The following COL4A6 variants were observed in gnomAD, a reference collection of about 807,000 sequenced individuals.
The protein encoded by COL4A6 is collagen type IV alpha 6 chain, also known as collagen alpha-6(IV) chain.
COL4A6 carries 59 observed loss-of-function variants against 126.7 expected under a neutral mutation model. The ratio of observed to expected loss-of-function variants is 0.47; its 90% CI spans 0.38 to 0.58. The LOEUF is 0.58. COL4A6 is among the 20% of genes least tolerant of loss of function. The probability of loss-of-function intolerance (pLI) is 0.00; values close to 1 mark genes in which losing one functional copy is unlikely to be tolerated. For missense variants in COL4A6, 1,285 were observed against 1,337.3 expected, an observed-to-expected ratio of 0.96 and a Z score of 0.61; for synonymous variants, 547 against 496.6, an observed-to-expected ratio of 1.10 and a Z score of -1.35.
Position 108,188,620 on chromosome X carries a change from TC to T in COL4A6, c.1483del (p.Glu495AsnfsTer11). The T allele has an allele frequency of 8.4e-7, 1 of 1,196,620 alleles. No individual in the cohort carries two copies. The highest frequency in any genetic ancestry group is 1.1e-6 in the Non-Finnish European group (1 of 888,075). On this transcript the variant is annotated frameshift_variant, in exon 21 of 45. Transcript: ENST00000334504. LOFTEE classifies it high-confidence loss of function. ...ACCCCATGGACCAGGTGGGCCTGGT[TC>T]CCCGGGTGGTCCAGTGTTGGGAACA... is the stretch of plus-strand genomic sequence containing the variant. ...GGVPNTGPPG[E>X]PGPPGPWGLI...
At chrX:108,313,668 C>G (rs1377462857) in intron 2 of COL4A6, among the ~76,000 whole-genome samples, 1 of 110,047 alleles carries the variant, frequency 9.1e-6, no homozygotes, top group African/African-American at 3.3e-5. Context: ...ACATATTATG[C>G]CCTAACTGTA....
Position 108,202,951 on chromosome X carries a change from T to C in COL4A6, c.811A>G (p.Ile271Val), listed in dbSNP as rs1484715698. 1.7e-6 allele frequency: 2 copies of C among 1,208,846 alleles called. No individual in the cohort carries two copies. The highest frequency in any genetic ancestry group is 1.8e-5 in the African/African-American group (1 of 57,020). ...ACCGGGAAGCCTGGAGGGCCACTTATGCCTGGAAAACCCTTAGGCCCTGGT... is the reference window on the plus strand; with the variant it reads ...ACCGGGAAGCCTGGAGGGCCACTTACGCCTGGAAAACCCTTAGGCCCTGGT... ...GEPGPKGFPG[I>V]SGPPGFPGLG... Residue 271 changes from isoleucine (I) to valine (V), a missense_variant, in exon 13 of 45, where the codon ATA (isoleucine) becomes GTA (valine). By Grantham distance (29) the Ile-to-Val change is conservative. Coordinates refer to ENST00000334504, the MANE Select transcript of COL4A6 (RefSeq NM_033641.4).
At chrX:108,194,873 TG>T (rs1369983046) in intron 15 of COL4A6, among the ~76,000 whole-genome samples, 1 of 111,609 alleles carries the variant, frequency 9.0e-6, no homozygotes, top group Non-Finnish European at 1.9e-5. Flanking sequence ...GACCACAGCA[TG>T]GCATGGCAAG....
At chrX:108,269,234 G>A in intron 3 of COL4A6, 23 of 320,524 alleles carry the variant, frequency 7.2e-5, no homozygotes, top group South Asian at 6.5e-4. Flanking sequence ...CTGCACTCAT[G>A]AGGACATTTG....
intron 2 of COL4A6, among the ~76,000 whole-genome samples, chrX:108,360,826 G>T (rs1349828842): frequency 9.0e-6 from 1 of 111,224 alleles, no homozygotes; most frequent in East Asian, 2.8e-4. Flanking sequence ...GTGAGCTACC[G>T]CACCCGGCCA....
intron 23 of COL4A6, among the ~76,000 whole-genome samples, chrX:108,186,156 G>A (rs2034852406): frequency 8.9e-6 from 1 of 111,741 alleles, no homozygotes; most frequent in Non-Finnish European, 1.9e-5. Context: ...TTTGAACTAG[G>A]GGAGTTACAT....
At chrX:108,174,399 G>A in intron 31 of COL4A6, 41 bp downstream of exon 31, 1 of 1,181,414 alleles carries the variant, frequency 8.5e-7, no homozygotes, top group Non-Finnish European at 1.1e-6. Flanking sequence ...TGAGATGGGG[G>A]GCCTTTTCTG....
At chrX:108,200,947 C>T (rs1358525097) in intron 13 of COL4A6, among the ~76,000 whole-genome samples, 1 of 112,007 alleles carries the variant, frequency 8.9e-6, no homozygotes, top group Non-Finnish European at 1.9e-5. Flanking sequence ...AAGAGAGGTT[C>T]AGTGACTTGC....
rs2035010593 is a variant in COL4A6 at position 108,190,641 on chromosome X, G to A, written c.1322-145C>T. The A allele has an allele frequency of 8.5e-5, 33 of 390,233 alleles. 1 individual carries two copies. In the South Asian group the frequency reaches 1.6e-3, roughly 18 times the overall value. The allele number at this position is 390,233 out of a possible 1,213,427, so 32.2% of individuals were successfully genotyped here. ...ACAAAAAAATAAAATTCAAGACCGGGACCCCAAATCTGCAGCAAGGAGTCA... is the reference window on the plus strand; with the variant it reads ...ACAAAAAAATAAAATTCAAGACCGGAACCCCAAATCTGCAGCAAGGAGTCA... On this transcript the variant is annotated intron_variant, in intron 19 of 44. Coordinates refer to ENST00000334504, the MANE Select transcript of COL4A6 (RefSeq NM_033641.4).
chrX:108,338,346 G>A (rs1413994116), intron 2 of COL4A6, among the ~76,000 whole-genome samples: 3 of 112,076 alleles, frequency 2.7e-5, no homozygotes, highest in Non-Finnish European at 5.7e-5. Flanking sequence ...AGGGATTTGA[G>A]GTTGAAAGAG....
At chrX:108,299,663 T>C (rs764796468) in intron 3 of COL4A6, among the ~76,000 whole-genome samples, 2 of 112,430 alleles carry the variant, frequency 1.8e-5, no homozygotes, top group Non-Finnish European at 3.8e-5. Flanking sequence ...CCACAATTTC[T>C]TTGATAACCA....
intron 5 of COL4A6, among the ~76,000 whole-genome samples, chrX:108,216,662 C>T (rs1053017609): frequency 3.6e-5 from 4 of 112,516 alleles, no homozygotes; most frequent in South Asian, 7.4e-4. Context: ...CCTCCAAGAG[C>T]GTATAGCTCT....
At chrX:108,315,357 A>G (rs917259313) in intron 2 of COL4A6, among the ~76,000 whole-genome samples, 21 of 110,989 alleles carry the variant, frequency 1.9e-4, no homozygotes, top group Non-Finnish European at 3.4e-4. Flanking sequence ...TCTCTGCCTC[A>G]GCTTCCTGAG....
intron 2 of COL4A6, among the ~76,000 whole-genome samples, chrX:108,358,700 T>C (rs2040012565): frequency 2.7e-5 from 3 of 112,311 alleles, no homozygotes; most frequent in Admixed American, 1.9e-4. Flanking sequence ...TGGCTGATAA[T>C]GACTTTTAAA....
At chrX:108,361,034 T>G (rs961469869) in intron 2 of COL4A6, among the ~76,000 whole-genome samples, 1 of 111,430 alleles carries the variant, frequency 9.0e-6, no homozygotes, top group Admixed American at 9.6e-5. Context: ...GCTATCATGA[T>G]GATAGTCTAC....
chrX:108,380,247 C>A (rs768961424), intron 2 of COL4A6, among the ~76,000 whole-genome samples: 1 of 112,388 alleles, frequency 8.9e-6, no homozygotes, highest in East Asian at 2.8e-4. Flanking sequence ...GACAGTCTTT[C>A]CTAAATAAAT....
chrX:108,297,531 T>C lies in COL4A6; in HGVS notation c.144+13217A>G, dbSNP rs760836686. On this transcript the variant is annotated intron_variant, in intron 3 of 44. Coordinates refer to ENST00000334504, the MANE Select transcript of COL4A6 (RefSeq NM_033641.4). ...TGGCAACCAAAAATGTTCCCAGACATGGCCAAATGTTCCCTGGGGGGCAAT... is the reference window on the plus strand; with the variant it reads ...TGGCAACCAAAAATGTTCCCAGACACGGCCAAATGTTCCCTGGGGGGCAAT... 1.1e-3 allele frequency among the ~76,000 whole-genome samples: 120 copies of C among 110,930 alleles called. 1 individual carries two copies. Among genetic ancestry groups the C allele is most frequent in the Non-Finnish European group, 6.6e-4 (35 of 52,962 alleles).
intron 2 of COL4A6, among the ~76,000 whole-genome samples, chrX:108,388,353 T>C (rs1230322078): frequency 1.8e-5 from 2 of 111,880 alleles, no homozygotes; most frequent in Non-Finnish European, 3.8e-5. Context: ...TCCTGGACTT[T>C]TTTGGTTGGT....
At chrX:108,188,474 A>C in intron 21 of COL4A6, 43 bp downstream of exon 21, 1 of 1,067,060 alleles carries the variant, frequency 9.4e-7, no homozygotes, top group Non-Finnish European at 1.2e-6. Context: ...GGCACTTGAA[A>C]GATTCCATTG....
Sources: allele counts gnomAD v4.1 joint callset (sites outside exome capture counted in the v4.1 genomes callset), GRCh38; gene constraint gnomAD v4.1.1; transcripts MANE v1.5; gene names NCBI Gene and HGNC (gene_info 2026-07-23, HGNC 2026-07-21).